RAP1GAP2: variants seen among roughly 807,000 people sequenced by gnomAD.
RAP1GAP2 encodes the protein rap1 GTPase-activating protein 2.
A neutral mutation model predicts 95.0 loss-of-function variants in RAP1GAP2; 27 were observed. That is an observed-to-expected ratio of 0.28 (90% CI 0.21 to 0.39). RAP1GAP2 has a LOEUF of 0.39. Among genes scored for constraint, RAP1GAP2 ranks in the 10% least tolerant of loss-of-function variants. RAP1GAP2 has a pLI of 1.00. For missense variants in RAP1GAP2, 771 were observed against 970.0 expected (o/e 0.79, Z 2.72); for synonymous variants, 373 against 380.9 (o/e 0.98, Z 0.24).
At chr17:2,765,958 G>A (rs1231222265) in intron 1 of RAP1GAP2, among the ~76,000 whole-genome samples, 4 of 152,134 alleles carry the variant, frequency 2.6e-5, no homozygotes, top group African/African-American at 9.7e-5. Flanking sequence ...GACAGAGTGA[G>A]AACCTGTCTC....
At chr17:2,872,213 C>A (rs142662147) in intron 2 of RAP1GAP2, among the ~76,000 whole-genome samples, 557 of 75,282 alleles carry the variant, frequency 7.4e-3, no homozygotes, top group East Asian at 0.021. Context: ...GCCTCTGTCT[C>A]AAAAAAAAAA....
At chr17:2,821,067 CA>C (rs1246143154) in intron 2 of RAP1GAP2, among the ~76,000 whole-genome samples, 1 of 151,742 alleles carries the variant, frequency 6.6e-6, no homozygotes, top group Non-Finnish European at 1.5e-5. Context: ...CAAACATGAA[CA>C]GATCTCTGAA....
chr17:2,922,926 C>T (rs1475366539), intron 3 of RAP1GAP2, among the ~76,000 whole-genome samples: 1 of 149,942 alleles, frequency 6.7e-6, no homozygotes, highest in African/African-American at 2.5e-5. Flanking sequence ...TGTGGCACGA[C>T]CTTGGCTCAT....
chr17:2,913,111 G>A (rs1001541933), intron 3 of RAP1GAP2, among the ~76,000 whole-genome samples: 41 of 152,122 alleles, frequency 2.7e-4, no homozygotes, highest in Admixed American at 2.6e-4. Flanking sequence ...CCAGGAGATT[G>A]AGCTTGCAGT....
At chr17:2,757,387 G>T (rs1331107445) in intron 1 of RAP1GAP2, among the ~76,000 whole-genome samples, 3 of 152,224 alleles carry the variant, frequency 2.0e-5, no homozygotes, top group African/African-American at 7.2e-5. Flanking sequence ...CTCCCAAAGT[G>T]CTGGGATTAC....
At chr17:2,917,779 G>A (rs980651724) in intron 3 of RAP1GAP2, among the ~76,000 whole-genome samples, 2 of 151,854 alleles carry the variant, frequency 1.3e-5, no homozygotes, top group Admixed American at 1.3e-4. Context: ...ACAATGGCAC[G>A]ATCTTGGCTC....
rs1474303791 is a variant in RAP1GAP2, at chr17:3,018,214, C to T, written c.1632+16C>T. On this transcript the variant is annotated intron_variant, in intron 18 of 24. Coordinates refer to ENST00000254695, the MANE Select transcript of RAP1GAP2 (RefSeq NM_015085.5). ...CACCTTCTCGGTGAGTGCTGGCAGG[C>T]CCCGGGGCGGCAAGTGGGTCCCAGG... The T allele has an allele frequency of 6.5e-7, 1 of 1,547,286 alleles. No homozygotes were observed. The highest frequency in any genetic ancestry group is 8.7e-7 in the Non-Finnish European group (1 of 1,148,074).
At chr17:2,771,838 G>A (rs758884039) in intron 2 of RAP1GAP2, among the ~76,000 whole-genome samples, 22 of 152,180 alleles carry the variant, frequency 1.4e-4, no homozygotes, top group Non-Finnish European at 2.5e-4. Context: ...CAGAGGACTT[G>A]AAGAAGAGTC....
intron 1 of RAP1GAP2, among the ~76,000 whole-genome samples, chr17:2,757,873 A>ATT (rs201212119): frequency 2.1e-4 from 30 of 144,962 alleles, no homozygotes; most frequent in Non-Finnish European, 3.5e-4. Flanking sequence ...TGATGCCTGA[A>ATT]TTTTTTTTTT....
At chr17:2,930,240 C>G (rs1009060668) in intron 3 of RAP1GAP2, among the ~76,000 whole-genome samples, 1 of 152,202 alleles carries the variant, frequency 6.6e-6, no homozygotes, top group African/African-American at 2.4e-5. Flanking sequence ...GCTCACCAGG[C>G]CCCCTTGTGG....
intron 17 of RAP1GAP2, among the ~76,000 whole-genome samples, chr17:3,016,096 A>C (rs2046756786): frequency 6.6e-6 from 1 of 152,200 alleles, no homozygotes; most frequent in South Asian, 2.1e-4. Flanking sequence ...TGGCTCAGTC[A>C]GCATCAAGAT....
At chr17:2,981,882 A>G (rs191759664) in intron 10 of RAP1GAP2, among the ~76,000 whole-genome samples, 206 of 152,326 alleles carry the variant, frequency 1.4e-3, no homozygotes, top group African/African-American at 4.7e-3. Context: ...TGGACAGTGA[A>G]TTGCTTGAAA....
At chr17:2,913,599 G>C (rs1363314670) in intron 3 of RAP1GAP2, among the ~76,000 whole-genome samples, 1 of 152,078 alleles carries the variant, frequency 6.6e-6, no homozygotes, top group Non-Finnish European at 1.5e-5. Context: ...TTCTGTTCAT[G>C]TTTTAAGGCC....
chr17:2,821,058 A>G (rs1049846706), intron 2 of RAP1GAP2, among the ~76,000 whole-genome samples: 3 of 151,784 alleles, frequency 2.0e-5, no homozygotes, highest in Non-Finnish European at 4.4e-5. Flanking sequence ...TTTATTATAC[A>G]AACATGAACA....
intron 2 of RAP1GAP2, among the ~76,000 whole-genome samples, chr17:2,801,387 A>C (rs178559): frequency 0.23 from 34,280 of 150,554 alleles, 4,291 homozygotes; most frequent in Middle Eastern, 0.37. Context: ...AAGCAGGAGA[A>C]TCACTTGAAC....
intron 3 of RAP1GAP2, among the ~76,000 whole-genome samples, chr17:2,938,200 T>A (rs973813946): frequency 2.6e-5 from 4 of 152,008 alleles, no homozygotes; most frequent in Admixed American, 1.3e-4. Context: ...ATTTCTCCCA[T>A]TTTATAGATA....
chr17:3,014,024 C>T (rs547928163), intron 17 of RAP1GAP2, among the ~76,000 whole-genome samples: 5 of 152,336 alleles, frequency 3.3e-5, no homozygotes, highest in East Asian at 1.9e-4. Flanking sequence ...ACGGGAAATA[C>T]GTCCTGAGAA....
intron 2 of RAP1GAP2, chr17:2,853,987 G>A (rs1385947773): frequency 1.0e-6 from 1 of 984,332 alleles, no homozygotes; most frequent in Non-Finnish European, 1.2e-6. Flanking sequence ...CACCGCGGGC[G>A]GCCTCGCCAT....
intron 3 of RAP1GAP2, among the ~76,000 whole-genome samples, chr17:2,921,540 C>G (rs78536069): frequency 0.033 from 5,012 of 152,196 alleles, 123 homozygotes; most frequent in African/African-American, 0.068. Context: ...GGCCAGAAGT[C>G]TGGAATTAAG....
Sources: gnomAD v4.1 joint callset for allele counts (sites outside exome capture counted in the v4.1 genomes callset) on GRCh38, gnomAD v4.1.1 for gene constraint, MANE v1.5 for transcripts, NCBI Gene and HGNC (gene_info 2026-07-23, HGNC 2026-07-21) for gene names.